The following FAR2 variants were observed in gnomAD, a reference collection of about 807,000 sequenced individuals.
FAR2 encodes the protein epididymis secretory protein Li 81.
A neutral mutation model predicts 56.0 loss-of-function variants in FAR2; 19 were observed. The ratio of observed to expected loss-of-function variants is 0.34; its 90% confidence interval spans 0.24 to 0.50. The LOEUF (loss-of-function observed/expected upper bound fraction) is 0.50, where lower values mean the gene tolerates loss of function less well. FAR2 is among the 20% of genes least tolerant of loss of function. The pLI is 0.98. For synonymous variants in FAR2, 219 were observed against 218.8 expected (o/e 1.00, Z -0.01); for missense variants, 508 against 642.2 (o/e 0.79, Z 2.26).
At chr12:29,208,064 A>G (rs1260015286) in intron 1 of FAR2, among the ~76,000 whole-genome samples, 1 of 152,234 alleles carries the variant, frequency 6.6e-6, no homozygotes, top group Non-Finnish European at 1.5e-5. Flanking sequence ...AAACTTATAT[A>G]AAATAGTATT....
At chr12:29,318,101 A>T (rs1489757430) in intron 9 of FAR2, among the ~76,000 whole-genome samples, 1 of 152,264 alleles carries the variant, frequency 6.6e-6, no homozygotes, top group Non-Finnish European at 1.5e-5. Flanking sequence ...ATCAAGAATC[A>T]GAAGTATGAA....
chr12:29,325,803 G>T (rs953717114), intron 10 of FAR2, among the ~76,000 whole-genome samples: 2 of 152,072 alleles, frequency 1.3e-5, no homozygotes, highest in African/African-American at 4.8e-5. Flanking sequence ...AAGCAAGAAA[G>T]ATCTAAAATT....
At chr12:29,194,591 C>T (rs968226941) in intron 1 of FAR2, among the ~76,000 whole-genome samples, 4 of 149,562 alleles carry the variant, frequency 2.7e-5, no homozygotes, top group African/African-American at 9.8e-5. Context: ...TTTATTACTC[C>T]CATAATGATG....
intron 1 of FAR2, among the ~76,000 whole-genome samples, chr12:29,246,172 G>A (rs1055435763): frequency 2.0e-5 from 3 of 151,754 alleles, no homozygotes; most frequent in African/African-American, 7.3e-5. Context: ...TCATGCCAGG[G>A]TAATACAATA....
chr12:29,175,976 CAA>C (rs1949934334), intron 1 of FAR2, among the ~76,000 whole-genome samples: 1 of 152,166 alleles, frequency 6.6e-6, no homozygotes, highest in Non-Finnish European at 1.5e-5. Context: ...AGCAAAATAC[CAA>C]AATTTAATAT....
At chr12:29,186,178 G>A (rs957499348) in intron 1 of FAR2, among the ~76,000 whole-genome samples, 1 of 152,032 alleles carries the variant, frequency 6.6e-6, no homozygotes, top group Admixed American at 6.6e-5. Flanking sequence ...TATTTTTTGT[G>A]CTAAGTTTTC....
chr12:29,288,239 C>T (rs1948906513), intron 2 of FAR2, among the ~76,000 whole-genome samples: 1 of 152,152 alleles, frequency 6.6e-6, no homozygotes, highest in Non-Finnish European at 1.5e-5. Flanking sequence ...GTGTCCTACT[C>T]TTGTAAAGAA....
At chr12:29,263,637 G>A (rs1003164510) in intron 1 of FAR2, among the ~76,000 whole-genome samples, 3 of 148,878 alleles carry the variant, frequency 2.0e-5, no homozygotes, top group Admixed American at 6.7e-5. Context: ...TACAGTGAAA[G>A]CTGGACTGAG....
intron 4 of FAR2, among the ~76,000 whole-genome samples, chr12:29,297,526 T>C (rs1359095530): frequency 1.3e-5 from 2 of 152,164 alleles, no homozygotes; most frequent in African/African-American, 2.4e-5. Context: ...TAATGTATAG[T>C]ATAAAAGTTC....
At chr12:29,298,613 G>C (rs1949109906) in intron 4 of FAR2, among the ~76,000 whole-genome samples, 1 of 152,150 alleles carries the variant, frequency 6.6e-6, no homozygotes, top group Admixed American at 6.5e-5. Context: ...AAAAATTTTA[G>C]AGTGCAGAGT....
At chr12:29,200,288 C>T (rs187221527) in intron 1 of FAR2, among the ~76,000 whole-genome samples, 2 of 152,126 alleles carry the variant, frequency 1.3e-5, no homozygotes, top group African/African-American at 4.8e-5. Context: ...CAAACCATGC[C>T]ATGAGGCCAG....
intron 4 of FAR2, among the ~76,000 whole-genome samples, chr12:29,299,095 C>G (rs112327463): frequency 0.042 from 6,360 of 151,650 alleles, 445 homozygotes; most frequent in African/African-American, 0.15. Context: ...TGCCTGTAAT[C>G]TCAGCTACTT....
intron 1 of FAR2, among the ~76,000 whole-genome samples, chr12:29,215,750 T>C (rs1047946385): frequency 1.3e-5 from 2 of 152,182 alleles, no homozygotes; most frequent in Non-Finnish European, 2.9e-5. Context: ...CACACTGTGG[T>C]TATAGTTTAT....
intron 1 of FAR2, among the ~76,000 whole-genome samples, chr12:29,212,315 A>T (rs1947560251): frequency 6.6e-6 from 1 of 152,100 alleles, no homozygotes; most frequent in Non-Finnish European, 1.5e-5. Context: ...TTAGGTCTTT[A>T]TTCTTGCTGA....
intron 1 of FAR2, among the ~76,000 whole-genome samples, chr12:29,257,002 G>A (rs915380132): frequency 6.6e-6 from 1 of 152,138 alleles, no homozygotes; most frequent in African/African-American, 2.4e-5. Flanking sequence ...CAGTCCCATC[G>A]ACCACCCAAG....
chr12:29,247,500 G>A (rs996372405), intron 1 of FAR2, among the ~76,000 whole-genome samples: 1 of 152,246 alleles, frequency 6.6e-6, no homozygotes, highest in Admixed American at 6.5e-5. Flanking sequence ...CTTCTTGGTG[G>A]ACTTAGTTTA....
intron 8 of FAR2, among the ~76,000 whole-genome samples, chr12:29,316,569 C>A (rs968386906): frequency 1.3e-5 from 2 of 152,178 alleles, no homozygotes; most frequent in African/African-American, 4.8e-5. Context: ...CTGAACAGTA[C>A]CTCCTTGTAT....
intron 1 of FAR2, among the ~76,000 whole-genome samples, chr12:29,196,893 A>G (rs1392609000): frequency 6.6e-6 from 1 of 152,186 alleles, no homozygotes. Flanking sequence ...TCTACAAGGG[A>G]CACAGACAGC....
intron 1 of FAR2, among the ~76,000 whole-genome samples, chr12:29,260,771 C>A (rs1247720923): frequency 6.6e-6 from 1 of 152,174 alleles, no homozygotes; most frequent in African/African-American, 2.4e-5. Context: ...AAGCTCACCA[C>A]CCTGAAGGGA....
Sources: gnomAD v4.1 joint callset for allele counts (sites outside exome capture counted in the v4.1 genomes callset) on GRCh38, gnomAD v4.1.1 for gene constraint, MANE v1.5 for transcripts, NCBI Gene and HGNC (gene_info 2026-07-23, HGNC 2026-07-21) for gene names.